Variants in TMTC1 observed in about 807,000 individuals in gnomAD.
The protein encoded by TMTC1 is transmembrane O-mannosyltransferase targeting cadherins 1, also known as protein O-mannosyl-transferase TMTC1.
In TMTC1, 73 loss-of-function variants were observed where a neutral mutation model predicts 104.8. The observed-to-expected ratio is 0.70, with a 90% CI of 0.58 to 0.85. TMTC1 has a LOEUF of 0.85. TMTC1 is among the 40% of genes least tolerant of loss of function. The pLI is 0.00. For synonymous variants in TMTC1, 434 were observed against 428.7 expected (o/e 1.01, Z -0.15); for missense variants, 1,035 against 1,096.1 (o/e 0.94, Z 0.79).
intron 8 of TMTC1, among the ~76,000 whole-genome samples, chr12:29,574,341 T>C (rs974120284): frequency 6.6e-6 from 1 of 152,152 alleles, no homozygotes; most frequent in African/African-American, 2.4e-5. Context: ...AACCTTTCCC[T>C]ATACTAAGCC....
chr12:29,751,459 C>G lies in TMTC1; in HGVS notation c.938+207G>C, dbSNP rs539144019. Among the ~76,000 whole-genome samples the G allele has an allele frequency of 1.3e-4, 20 of 152,200 alleles. 1 individual carries two copies. The South Asian group carries it at 4.1e-3, about 32-fold the overall frequency. Reference sequence around the variant, plus strand: ...CAGGCAGCAGGGCTTCCACTTGCTTCCTCTAACTACTCCTTTCTTATCCAT... The same window carrying G: ...CAGGCAGCAGGGCTTCCACTTGCTTGCTCTAACTACTCCTTTCTTATCCAT... On this transcript the variant is annotated intron_variant, in intron 5 of 17. Transcript: ENST00000539277.
At chr12:29,516,281 G>C (rs1319282604) in intron 15 of TMTC1, 68 bp downstream of exon 15, 2 of 1,528,544 alleles carry the variant, frequency 1.3e-6, no homozygotes, top group Non-Finnish European at 8.8e-7. Context: ...GCAAACTGGA[G>C]AATCACTTAG....
intron 5 of TMTC1, among the ~76,000 whole-genome samples, chr12:29,654,523 T>C (rs1939665859): frequency 6.6e-6 from 1 of 152,190 alleles, no homozygotes; most frequent in African/African-American, 2.4e-5. Flanking sequence ...ATGGTGCAGT[T>C]GCTTTGGTAA....
chr12:29,727,335 G>A (rs1191149673), intron 5 of TMTC1, among the ~76,000 whole-genome samples: 1 of 151,982 alleles, frequency 6.6e-6, no homozygotes, highest in African/African-American at 2.4e-5. Context: ...GGAACTTGGG[G>A]GACCAAAACC....
At chr12:29,765,194 C>G (rs1565822349) in intron 2 of TMTC1, among the ~76,000 whole-genome samples, 2 of 152,048 alleles carry the variant, frequency 1.3e-5, no homozygotes, top group African/African-American at 4.8e-5. Context: ...AAGTATCTCT[C>G]TTATTTTTTT....
intron 1 of TMTC1, among the ~76,000 whole-genome samples, chr12:29,780,711 T>C (rs529623871): frequency 1.3e-5 from 2 of 152,290 alleles, no homozygotes; most frequent in African/African-American, 2.4e-5. Flanking sequence ...ATGCTGTAGA[T>C]TGCATCAATA....
chr12:29,718,238 G>C (rs1204722157), intron 5 of TMTC1, among the ~76,000 whole-genome samples: 2 of 152,222 alleles, frequency 1.3e-5, no homozygotes. Context: ...GATGGGAACA[G>C]TATGAAAAGT....
chr12:29,551,436 T>A (rs1044085701), intron 10 of TMTC1, among the ~76,000 whole-genome samples: 3 of 152,200 alleles, frequency 2.0e-5, no homozygotes, highest in Non-Finnish European at 4.4e-5. Context: ...ATCAAATATA[T>A]CCTGTTATCA....
intron 5 of TMTC1, among the ~76,000 whole-genome samples, chr12:29,676,810 T>C (rs10843476): frequency 0.28 from 42,893 of 152,178 alleles, 6,122 homozygotes; most frequent in East Asian, 0.34. Context: ...TGAAGCATTT[T>C]GTGGGCATGC....
chr12:29,577,306 T>A (rs1165796586), intron 8 of TMTC1, among the ~76,000 whole-genome samples: 1 of 152,170 alleles, frequency 6.6e-6, no homozygotes. Flanking sequence ...GGGTTCCACA[T>A]CTCTGAACTG....
chr12:29,765,062 G>A (rs1943432200), intron 2 of TMTC1, among the ~76,000 whole-genome samples: 1 of 152,120 alleles, frequency 6.6e-6, no homozygotes, highest in Admixed American at 6.6e-5. Context: ...GAAATAAAAT[G>A]CTGTCTATGG....
At chr12:29,765,149 C>A (rs1213999201) in intron 2 of TMTC1, among the ~76,000 whole-genome samples, 1 of 152,076 alleles carries the variant, frequency 6.6e-6, no homozygotes, top group African/African-American at 2.4e-5. Flanking sequence ...GATTATTTTT[C>A]TTCATATTTT....
At chr12:29,644,090 AATAT>A (rs200924209) in intron 5 of TMTC1, among the ~76,000 whole-genome samples, 1 of 53,818 alleles carries the variant, frequency 1.9e-5, no homozygotes, top group African/African-American at 8.8e-5. Flanking sequence ...TATAAATATA[AATAT>A]AAATATATAA....
intron 5 of TMTC1, among the ~76,000 whole-genome samples, chr12:29,643,641 ATATATGT>A (rs1939020313): frequency 3.3e-5 from 1 of 30,474 alleles, no homozygotes; most frequent in African/African-American, 1.5e-4. Context: ...TATATATAAT[ATATATGT>A]TATATTATAT....
At chr12:29,743,727 T>C (rs1942883850) in intron 5 of TMTC1, among the ~76,000 whole-genome samples, 1 of 152,160 alleles carries the variant, frequency 6.6e-6, no homozygotes, top group Non-Finnish European at 1.5e-5. Context: ...CCTGAGTGTT[T>C]ACAATGTTAA....
At chr12:29,559,915 A>C (rs1390601664) in intron 9 of TMTC1, among the ~76,000 whole-genome samples, 1 of 152,210 alleles carries the variant, frequency 6.6e-6, no homozygotes, top group Admixed American at 6.5e-5. Flanking sequence ...GTCAGGAAAA[A>C]TATCTAAAAA....
At chr12:29,517,703 T>C in intron 13 of TMTC1, 132 bp from the exon 14 acceptor site, 1 of 1,057,696 alleles carries the variant, frequency 9.5e-7, no homozygotes, top group Non-Finnish European at 1.3e-6. Flanking sequence ...TTTATATCAA[T>C]AACAAGGTTT....
intron 5 of TMTC1, among the ~76,000 whole-genome samples, chr12:29,693,396 T>C (rs1296436891): frequency 7.6e-6 from 1 of 131,480 alleles, no homozygotes; most frequent in Admixed American, 8.2e-5. Context: ...CTTCTAGCTA[T>C]TTGAAAATAT....
At chr12:29,616,355 T>C (rs1170196446) in intron 6 of TMTC1, among the ~76,000 whole-genome samples, 3 of 152,144 alleles carry the variant, frequency 2.0e-5, no homozygotes, top group African/African-American at 4.8e-5. Context: ...ATCTCAACTA[T>C]AGCCATCACG....
Sources: allele counts gnomAD v4.1 joint callset (sites outside exome capture counted in the v4.1 genomes callset), GRCh38; gene constraint gnomAD v4.1.1; transcripts MANE v1.5; gene names NCBI Gene and HGNC (gene_info 2026-07-23, HGNC 2026-07-21).